The following ZNF385B variants were observed in gnomAD, a reference collection of about 807,000 sequenced individuals.
The protein encoded by ZNF385B is zinc finger protein 385B.
ZNF385B carries 23 observed loss-of-function variants against 39.2 expected under a neutral mutation model. The ratio of observed to expected loss-of-function variants is 0.59; its 90% CI spans 0.42 to 0.83. The LOEUF (loss-of-function observed/expected upper bound fraction) is 0.83, where lower values mean the gene tolerates loss of function less well. Among genes scored for constraint, ZNF385B ranks in the 40% least tolerant of loss-of-function variants. The pLI, the probability that ZNF385B is intolerant of heterozygous loss-of-function variation, is 0.00. For synonymous variants in ZNF385B, 205 were observed against 222.6 expected, an observed-to-expected ratio of 0.92 and a Z score of 0.70; for missense variants, 552 against 598.9, an observed-to-expected ratio of 0.92 and a Z score of 0.82.
intron 9 of ZNF385B, 78 bp downstream of exon 9, chr2:179,444,798 T>G: frequency 8.5e-7 from 1 of 1,175,792 alleles, no homozygotes; most frequent in East Asian, 2.3e-5. Context: ...TTAGACTCTA[T>G]GCCCTCCTTG....
At chr2:179,528,104 A>G (rs62179170) in intron 4 of ZNF385B, among the ~76,000 whole-genome samples, 1 of 152,208 alleles carries the variant, frequency 6.6e-6, no homozygotes, top group African/African-American at 2.4e-5. Flanking sequence ...ACACTCTTCC[A>G]TGATTTAGAG....
At chr2:179,443,506 C>A in intron 9 of ZNF385B, 38 bp from the exon 10 acceptor site, 2 of 1,507,482 alleles carry the variant, frequency 1.3e-6, no homozygotes, top group Non-Finnish European at 1.8e-6. Flanking sequence ...GGTGGAGATC[C>A]TGTTTTTGAA....
At chr2:179,726,506 C>A (rs1451902182) in intron 3 of ZNF385B, among the ~76,000 whole-genome samples, 1 of 152,032 alleles carries the variant, frequency 6.6e-6, no homozygotes, top group South Asian at 2.1e-4. Context: ...TATACTGAAG[C>A]AATTTTTCAT....
At chr2:179,599,272 A>T (rs976849424) in intron 3 of ZNF385B, among the ~76,000 whole-genome samples, 1 of 152,196 alleles carries the variant, frequency 6.6e-6, no homozygotes, top group African/African-American at 2.4e-5. Context: ...AGATCTTCTG[A>T]TTCCGAAAAT....
intron 1 of ZNF385B, among the ~76,000 whole-genome samples, chr2:179,773,880 C>T (rs357695): frequency 6.6e-6 from 1 of 152,122 alleles, no homozygotes; most frequent in African/African-American, 2.4e-5. Context: ...TCTTTGTATC[C>T]TCAGCATCTA....
intron 3 of ZNF385B, among the ~76,000 whole-genome samples, chr2:179,631,731 G>A (rs986320268): frequency 1.3e-5 from 2 of 152,086 alleles, no homozygotes; most frequent in African/African-American, 2.4e-5. Flanking sequence ...TGGCAAATTG[G>A]ATAAAGAGTC....
At chr2:179,850,205 A>G (rs914333928) in intron 1 of ZNF385B, among the ~76,000 whole-genome samples, 1 of 152,158 alleles carries the variant, frequency 6.6e-6, no homozygotes, top group Non-Finnish European at 1.5e-5. Context: ...TTCTTTTTAC[A>G]TATCCCTCTC....
At chr2:179,747,345 A>G (rs1559156415) in intron 3 of ZNF385B, among the ~76,000 whole-genome samples, 1 of 152,154 alleles carries the variant, frequency 6.6e-6, no homozygotes. Context: ...GGATATGCAC[A>G]TGCGTGTGCG....
chr2:179,531,599 C>T (rs1042621482), intron 4 of ZNF385B, among the ~76,000 whole-genome samples: 3 of 152,104 alleles, frequency 2.0e-5, no homozygotes, highest in Admixed American at 1.3e-4. Flanking sequence ...CATGCCACTG[C>T]ACTCCAGCCT....
At chr2:179,698,181 T>TAAAAA (rs34737779) in intron 3 of ZNF385B, among the ~76,000 whole-genome samples, 1 of 148,638 alleles carries the variant, frequency 6.7e-6, no homozygotes, top group Non-Finnish European at 1.5e-5. Flanking sequence ...AAAGTATAAT[T>TAAAAA]AAAAAAAAAA....
intron 3 of ZNF385B, among the ~76,000 whole-genome samples, chr2:179,746,422 A>G (rs1334580208): frequency 6.6e-6 from 1 of 152,152 alleles, no homozygotes; most frequent in Non-Finnish European, 1.5e-5. Context: ...TTTGACATAG[A>G]TGTCCATTAA....
At chr2:179,476,348 C>T (rs1218556800) in intron 6 of ZNF385B, among the ~76,000 whole-genome samples, 1 of 152,012 alleles carries the variant, frequency 6.6e-6, no homozygotes, top group Non-Finnish European at 1.5e-5. Flanking sequence ...GAGATAAATA[C>T]TAGTTAAAAT....
intron 5 of ZNF385B, among the ~76,000 whole-genome samples, chr2:179,512,091 G>A (rs1468977880): frequency 6.6e-6 from 1 of 152,086 alleles, no homozygotes; most frequent in Admixed American, 6.5e-5. Context: ...TATTAATGCT[G>A]AGTACCAAAA....
chr2:179,827,205 C>T (rs903292771), intron 1 of ZNF385B, among the ~76,000 whole-genome samples: 1 of 152,028 alleles, frequency 6.6e-6, no homozygotes, highest in Non-Finnish European at 1.5e-5. Flanking sequence ...AAGACTAGTT[C>T]GTGTGGAAAA....
intron 1 of ZNF385B, among the ~76,000 whole-genome samples, chr2:179,839,444 C>T (rs1190867778): frequency 1.3e-5 from 2 of 152,174 alleles, no homozygotes; most frequent in Non-Finnish European, 2.9e-5. Flanking sequence ...TATTTTTAAA[C>T]TTAATATTCC....
At chr2:179,731,691 G>C (rs1701401305) in intron 3 of ZNF385B, among the ~76,000 whole-genome samples, 1 of 152,232 alleles carries the variant, frequency 6.6e-6, no homozygotes, top group African/African-American at 2.4e-5. Context: ...GGAGGTTGGA[G>C]TGAGAGGATC....
intron 3 of ZNF385B, among the ~76,000 whole-genome samples, chr2:179,754,622 C>T (rs997315867): frequency 3.9e-5 from 6 of 152,130 alleles, no homozygotes; most frequent in African/African-American, 1.4e-4. Flanking sequence ...TGTTATTGGT[C>T]TCTTCAGAGA....
intron 1 of ZNF385B, among the ~76,000 whole-genome samples, chr2:179,816,277 C>T (rs984439768): frequency 2.6e-5 from 4 of 152,126 alleles, no homozygotes; most frequent in Admixed American, 6.5e-5. Flanking sequence ...TCAAAATACA[C>T]CAGGATCTAA....
intron 6 of ZNF385B, among the ~76,000 whole-genome samples, chr2:179,462,654 A>G (rs1459114984): frequency 6.6e-6 from 1 of 152,198 alleles, no homozygotes; most frequent in Non-Finnish European, 1.5e-5. Context: ...GCAAAATAAA[A>G]TGTTGTAAGA....
Sources: allele counts gnomAD v4.1 joint callset (sites outside exome capture counted in the v4.1 genomes callset), GRCh38; gene constraint gnomAD v4.1.1; transcripts MANE v1.5; gene names NCBI Gene and HGNC (gene_info 2026-07-23, HGNC 2026-07-21).